The following ENTREP2 variants were observed in gnomAD, a reference collection of about 807,000 sequenced individuals.
ENTREP2 encodes protein ENTREP2.
the ENTREP2 span, among the ~76,000 whole-genome samples, chr15:29,293,458 G>T: frequency 6.6e-6 from 1 of 150,688 alleles, no homozygotes; most frequent in South Asian, 2.1e-4. Flanking sequence ...GGGTTTCACC[G>T]TTTTAGCCAG....
At chr15:29,388,964 T>G in the ENTREP2 span, among the ~76,000 whole-genome samples, 1 of 52,078 alleles carries the variant, frequency 1.9e-5, no homozygotes, top group Admixed American at 3.1e-4. Context: ...GGGCCTGTTG[T>G]GGGGTGGGGG....
the ENTREP2 span, among the ~76,000 whole-genome samples, chr15:29,634,780 G>A: frequency 1.3e-5 from 2 of 152,176 alleles, no homozygotes; most frequent in South Asian, 2.1e-4. Context: ...TAATTTGCTG[G>A]AGCAGCTCAC....
At chr15:29,480,475 C>T in the ENTREP2 span, among the ~76,000 whole-genome samples, 6 of 151,582 alleles carry the variant, frequency 4.0e-5, no homozygotes, top group Non-Finnish European at 8.8e-5. Flanking sequence ...CCTGCGTGGA[C>T]AGCACCCTGG....
the ENTREP2 span, among the ~76,000 whole-genome samples, chr15:29,496,210 T>C: frequency 6.6e-6 from 1 of 151,920 alleles, no homozygotes; most frequent in Non-Finnish European, 1.5e-5. Context: ...TGTACACTAA[T>C]GTGTTATTAG....
the ENTREP2 span, among the ~76,000 whole-genome samples, chr15:29,163,863 A>C: frequency 6.6e-6 from 1 of 152,242 alleles, no homozygotes; most frequent in African/African-American, 2.4e-5. Context: ...GCATATTGTC[A>C]TCAGGTTATC....
chr15:29,129,466 C>T, the ENTREP2 span, among the ~76,000 whole-genome samples: 45 of 152,220 alleles, frequency 3.0e-4, 1 homozygote, highest in East Asian at 3.3e-3. Flanking sequence ...TTGTGGCTTT[C>T]GATTTCTTTT....
chr15:29,330,167 G>A, the ENTREP2 span, among the ~76,000 whole-genome samples: 5 of 152,118 alleles, frequency 3.3e-5, no homozygotes, highest in East Asian at 3.9e-4. Flanking sequence ...GGCCGAGCGC[G>A]GCAGCTCATG....
At chr15:29,526,888 C>A in the ENTREP2 span, among the ~76,000 whole-genome samples, 1 of 152,112 alleles carries the variant, frequency 6.6e-6, no homozygotes, top group Admixed American at 6.5e-5. Context: ...TCCCATCTGG[C>A]CTCCTCACTG....
At chr15:29,621,018 G>T in the ENTREP2 span, among the ~76,000 whole-genome samples, 2 of 152,098 alleles carry the variant, frequency 1.3e-5, no homozygotes, top group Admixed American at 1.3e-4. Context: ...TCATCGTGCT[G>T]CTCTCCCAGG....
the ENTREP2 span, among the ~76,000 whole-genome samples, chr15:29,324,400 A>C: frequency 3.9e-5 from 6 of 152,186 alleles, no homozygotes; most frequent in African/African-American, 1.2e-4. Context: ...ATTTTTAACT[A>C]CATCAATCCA....
At chr15:29,333,968 G>A in the ENTREP2 span, among the ~76,000 whole-genome samples, 3 of 151,908 alleles carry the variant, frequency 2.0e-5, no homozygotes, top group Non-Finnish European at 2.9e-5. Context: ...GTCACGTCAC[G>A]GATTACCAGC....
the ENTREP2 span, among the ~76,000 whole-genome samples, chr15:29,132,200 G>A: frequency 1.3e-5 from 2 of 152,186 alleles, no homozygotes; most frequent in African/African-American, 2.4e-5. Flanking sequence ...CCCGGGCTGC[G>A]GGGTCGTGCT....
At chr15:29,669,020 C>T in the ENTREP2 span, among the ~76,000 whole-genome samples, 4 of 152,112 alleles carry the variant, frequency 2.6e-5, no homozygotes, top group Non-Finnish European at 4.4e-5. Flanking sequence ...CCCATAACTA[C>T]GACCAGGGAA....
the ENTREP2 span, chr15:29,269,966 T>C: frequency 7.0e-6 from 3 of 428,108 alleles, no homozygotes; most frequent in South Asian, 6.6e-5. Context: ...TGAAGTGTTG[T>C]TACCAAACCA....
chr15:29,566,699 C>T, the ENTREP2 span, among the ~76,000 whole-genome samples: 3 of 152,070 alleles, frequency 2.0e-5, no homozygotes, highest in Non-Finnish European at 2.9e-5. Context: ...TCCAGTGGTC[C>T]GCCCGCCTCA....
At chr15:29,117,947 T>C in the ENTREP2 span, 6 of 151,588 alleles carry the variant, frequency 4.0e-5, no homozygotes, top group Admixed American at 3.3e-4. Flanking sequence ...TCCACGCACA[T>C]GCGACCCCGA....
the ENTREP2 span, among the ~76,000 whole-genome samples, chr15:29,395,523 C>T: frequency 2.4e-5 from 3 of 127,216 alleles, no homozygotes; most frequent in Admixed American, 2.9e-4. Context: ...GATTTTTTCT[C>T]TTTTTTCTTT....
At chr15:29,539,195 C>T in the ENTREP2 span, among the ~76,000 whole-genome samples, 1 of 149,170 alleles carries the variant, frequency 6.7e-6, no homozygotes, top group African/African-American at 2.5e-5. Flanking sequence ...CTGAGTCTCC[C>T]AATCCTCTCC....
the ENTREP2 span, among the ~76,000 whole-genome samples, chr15:29,352,191 T>A: frequency 6.6e-6 from 1 of 152,114 alleles, no homozygotes; most frequent in African/African-American, 2.4e-5. Flanking sequence ...TGCCTTGGCC[T>A]CCCAAAGCAC....
Sources: gnomAD v4.1 joint callset for allele counts (sites outside exome capture counted in the v4.1 genomes callset) on GRCh38, gnomAD v4.1.1 for gene constraint, MANE v1.5 for transcripts, NCBI Gene and HGNC (gene_info 2026-07-23, HGNC 2026-07-21) for gene names.